Variants in CFAP251 observed in about 807,000 individuals in gnomAD.
The protein encoded by CFAP251 is cilia- and flagella-associated protein 251.
In CFAP251, 93 loss-of-function variants were observed where a neutral mutation model predicts 126.7. The observed-to-expected ratio is 0.73, with a 90% CI of 0.62 to 0.87. The LOEUF (loss-of-function observed/expected upper bound fraction) is 0.87. Among genes scored for constraint, CFAP251 ranks in the 40% least tolerant of loss-of-function variants. The pLI is 0.00. For synonymous variants in CFAP251, 503 were observed against 506.9 expected, an observed-to-expected ratio of 0.99 and a Z score of 0.10; for missense variants, 1,287 against 1,389.2, an observed-to-expected ratio of 0.93 and a Z score of 1.17.
At chr12:121,926,383 G>A (rs778821507) in intron 3 of CFAP251, among the ~76,000 whole-genome samples, 76 of 151,688 alleles carry the variant, frequency 5.0e-4, no homozygotes, top group Non-Finnish European at 8.5e-4. Flanking sequence ...CTGGAGTGCA[G>A]TGGTGCGATC....
chr12:121,995,170 C>G (rs552470473), intron 19 of CFAP251, among the ~76,000 whole-genome samples: 1 of 152,186 alleles, frequency 6.6e-6, no homozygotes, highest in African/African-American at 2.4e-5. Flanking sequence ...GTCATATAGA[C>G]AGAAAATGGC....
intron 9 of CFAP251, chr12:121,953,232 C>G (rs936000195): frequency 6.6e-6 from 1 of 152,202 alleles, no homozygotes; most frequent in South Asian, 2.1e-4. Context: ...CTAAAATCAC[C>G]AAGAAAAATG....
intron 2 of CFAP251, among the ~76,000 whole-genome samples, chr12:121,923,158 C>T (rs544568915): frequency 1.3e-5 from 2 of 149,290 alleles, no homozygotes; most frequent in Non-Finnish European, 3.0e-5. Flanking sequence ...CCCTTCTTCT[C>T]TCCTCTCATC....
chr12:121,994,056 C>A (rs1256109035), intron 19 of CFAP251, among the ~76,000 whole-genome samples: 1 of 115,422 alleles, frequency 8.7e-6, no homozygotes, highest in Non-Finnish European at 1.9e-5. Flanking sequence ...TGGCCAGCCG[C>A]CCCATCCGGG....
In CFAP251 at chr12:121,928,672, A is replaced by ATACG. The variant is rs1488736645; in HGVS notation, c.748-3072_748-3071insCGTA. The stretch of plus-strand genomic sequence containing the variant: ...TATATATATACGTATATATATACGT[A>ATACG]TATATATATATATATACGTATATAT... On this transcript the variant is annotated intron_variant, in intron 3 of 21. Coordinates refer to ENST00000288912, the MANE Select transcript of CFAP251 (RefSeq NM_144668.6). 2.8e-3 allele frequency among the ~76,000 whole-genome samples: 54 copies of ATACG among 19,308 alleles called. 2 individuals are homozygous for ATACG. Among genetic ancestry groups the ATACG allele is most frequent in the East Asian group, 0.013 (15 of 1,182 alleles). 12.7% of individuals were successfully genotyped at this position (19,308 alleles called of 152,430 possible).
At chr12:121,988,449 C>T (rs2135810332) in intron 19 of CFAP251, among the ~76,000 whole-genome samples, 1 of 152,322 alleles carries the variant, frequency 6.6e-6, no homozygotes, top group East Asian at 1.9e-4. Flanking sequence ...CCTATCTTGG[C>T]ATTTCATATA....
At chr12:121,936,023 C>G (rs1880883022) in intron 5 of CFAP251, among the ~76,000 whole-genome samples, 1 of 152,212 alleles carries the variant, frequency 6.6e-6, no homozygotes, top group Non-Finnish European at 1.5e-5. Flanking sequence ...CAGTGCTGCT[C>G]AAAGTGTGGT....
intron 7 of CFAP251, among the ~76,000 whole-genome samples, chr12:121,945,639 G>A (rs1277175426): frequency 3.3e-5 from 5 of 150,906 alleles, no homozygotes; most frequent in Non-Finnish European, 5.9e-5. Context: ...CACCGTGCCC[G>A]GCCAGAGTGT....
chr12:121,936,259 G>T (rs1310777626), intron 5 of CFAP251, among the ~76,000 whole-genome samples: 59 of 152,176 alleles, frequency 3.9e-4, no homozygotes, highest in Admixed American at 3.9e-3. Flanking sequence ...CCAGGAGTGG[G>T]CAACATAGTG....
chr12:121,979,563 C>CTTCTTTTT (rs751383402), intron 19 of CFAP251, among the ~76,000 whole-genome samples: 6 of 85,000 alleles, frequency 7.1e-5, no homozygotes, highest in Admixed American at 1.5e-4. Flanking sequence ...CTTTCTTCTT[C>CTTCTTTTT]TTTTTTTTTT....
intron 3 of CFAP251, among the ~76,000 whole-genome samples, chr12:121,924,435 T>TAAAG: frequency 1.4e-5 from 1 of 69,938 alleles, no homozygotes; most frequent in Non-Finnish European, 5.5e-5. Flanking sequence ...TCTTTTTTTT[T>TAAAG]TTTTTTTTTT....
chr12:121,978,928 C>A (rs1882548941), intron 19 of CFAP251, among the ~76,000 whole-genome samples: 1 of 152,150 alleles, frequency 6.6e-6, no homozygotes, highest in Non-Finnish European at 1.5e-5. Flanking sequence ...TATGAAATTG[C>A]AGACCCTATT....
At chr12:121,945,266 G>T (rs1339760594) in intron 7 of CFAP251, among the ~76,000 whole-genome samples, 6 of 151,974 alleles carry the variant, frequency 3.9e-5, no homozygotes, top group Admixed American at 6.6e-5. Context: ...GTTCACTCTC[G>T]CTTCACTCTC....
At chr12:121,975,906 G>A (rs892218700) in intron 19 of CFAP251, among the ~76,000 whole-genome samples, 3 of 152,290 alleles carry the variant, frequency 2.0e-5, no homozygotes, top group Non-Finnish European at 1.5e-5. Context: ...TTTGATGTTG[G>A]TTGGAGCATG....
intron 14 of CFAP251, among the ~76,000 whole-genome samples, chr12:121,961,077 A>G (rs1031047187): frequency 3.3e-5 from 5 of 152,142 alleles, no homozygotes; most frequent in East Asian, 1.9e-4. Flanking sequence ...ACACTCACTA[A>G]CACTGTCTTC....
intron 19 of CFAP251, among the ~76,000 whole-genome samples, chr12:121,993,969 A>G (rs1348371562): frequency 5.8e-5 from 3 of 51,334 alleles, no homozygotes; most frequent in South Asian, 7.5e-4. Flanking sequence ...TCCGGGAGGG[A>G]GGTGGGGGGG....
intron 11 of CFAP251, among the ~76,000 whole-genome samples, chr12:121,957,519 A>G (rs1000014411): frequency 3.9e-5 from 6 of 152,068 alleles, no homozygotes; most frequent in African/African-American, 1.2e-4. Flanking sequence ...CCTGGCTAAC[A>G]TGGTGAAACC....
In CFAP251 at chr12:121,968,018, A is replaced by C; in HGVS notation, c.2620A>C (p.Ile874Leu). 6.2e-7 allele frequency: 1 copy of C among 1,606,276 alleles called. No homozygotes were observed. The highest frequency in any genetic ancestry group is 8.5e-7 in the Non-Finnish European group (1 of 1,173,692). ...FINRDKVGLQ[I>L]LPVDGNPHKT... ...TGTTCCTTTCTAGGTGGGACTTCAG[A>C]TCTTACCAGTTGACGGCAATCCACA... is the stretch of plus-strand genomic sequence containing the variant. Residue 874 changes from isoleucine (I) to leucine (L), a missense_variant, in exon 17 of 22, where the codon ATC (isoleucine) becomes CTC (leucine). Physicochemically the swap from Ile to Leu is conservative, Grantham distance 5. Transcript: ENST00000288912.
chr12:121,938,916 G>A (rs1236876759), intron 5 of CFAP251, among the ~76,000 whole-genome samples: 5 of 151,804 alleles, frequency 3.3e-5, no homozygotes, highest in South Asian at 2.1e-4. Flanking sequence ...GAACCCAGGC[G>A]GCGGAGGTTG....
Sources: allele counts gnomAD v4.1 joint callset (sites outside exome capture counted in the v4.1 genomes callset), GRCh38; gene constraint gnomAD v4.1.1; transcripts MANE v1.5; gene names NCBI Gene and HGNC (gene_info 2026-07-23, HGNC 2026-07-21).